The following TRIM21 variants were observed in gnomAD, a reference collection of about 807,000 sequenced individuals.
TRIM21 encodes E3 ubiquitin-protein ligase TRIM21.
TRIM21 carries 35 observed loss-of-function variants against 36.1 expected under a neutral mutation model. That is an observed-to-expected ratio of 0.97 (90% CI 0.74 to 1.28). The LOEUF is 1.28. TRIM21 is among the 50% of genes most tolerant of loss of function. The pLI is 0.00. For missense variants in TRIM21, 635 were observed against 570.7 expected, an observed-to-expected ratio of 1.11 and a Z score of -1.15; for synonymous variants, 256 against 211.5, an observed-to-expected ratio of 1.21 and a Z score of -1.83.
chr11:4,393,530 C>A (rs1404507505), intron 1 of TRIM21, 103 bp downstream of exon 1: 4 of 152,644 alleles, frequency 2.6e-5, no homozygotes, highest in African/African-American at 7.2e-5. Flanking sequence ...GCAAATGGGA[C>A]CGGCTCAAGG....
intron 5 of TRIM21, 25 bp downstream of exon 5, chr11:4,386,943 T>C (rs765134388): frequency 1.9e-6 from 3 of 1,577,964 alleles, no homozygotes; most frequent in African/African-American, 1.3e-5. Context: ...TGGCCCCTCT[T>C]CTAACAAAGA....
Position 4,390,057 on chromosome 11 carries a change from C to T in TRIM21, c.353G>A (p.Arg118Gln), listed in dbSNP as rs183163094. The change falls in exon 2 of 7, where the codon CGG becomes CAG. Residue 118 changes from arginine (R) to glutamine (Q), a missense_variant. Transcript: ENST00000254436. ...KALCWVCAQS[R>Q]KHRDHAMVPL... ...GACCATGGCGTGGTCACGGTGTTTCCGAGACTGGGCACATACCCAGCAAAG... is the reference window on the plus strand; with the variant it reads ...GACCATGGCGTGGTCACGGTGTTTCTGAGACTGGGCACATACCCAGCAAAG... 8.4e-4 allele frequency: 1,350 copies of T among 1,613,918 alleles called. 2 individuals are homozygous for T. The highest frequency in any genetic ancestry group is 1.1e-3 in the Non-Finnish European group (1,299 of 1,179,890).
chr11:4,388,556 G>A (rs941270333), intron 3 of TRIM21, 26 bp from the exon 4 acceptor site: 2 of 1,596,696 alleles, frequency 1.3e-6, no homozygotes, highest in Admixed American at 3.4e-5. Context: ...AAAGGGAGAG[G>A]TGGTTTTTAT....
At chr11:4,386,407 G>A (rs2094956387) in intron 5 of TRIM21, 150 bp from the exon 6 acceptor site, 2 of 718,362 alleles carry the variant, frequency 2.8e-6, no homozygotes, top group South Asian at 3.1e-5. Context: ...GGGTGTGAGA[G>A]GCAAACAATG....
chr11:4,387,096 C>T (rs2094957055), intron 4 of TRIM21, 106 bp from the exon 5 acceptor site: 5 of 1,118,604 alleles, frequency 4.5e-6, no homozygotes, highest in Admixed American at 2.2e-5. Context: ...GGCACTGTTC[C>T]TCTCCTTCCT....
intron 1 of TRIM21, among the ~76,000 whole-genome samples, chr11:4,391,238 A>G (rs979684700): frequency 1.2e-4 from 17 of 144,416 alleles, no homozygotes; most frequent in African/African-American, 3.9e-4. Context: ...GAAAAAAAAT[A>G]ATAATCTGAC....
At chr11:4,389,200 AT>A (rs1412857118) in intron 3 of TRIM21, among the ~76,000 whole-genome samples, 4 of 152,098 alleles carry the variant, frequency 2.6e-5, no homozygotes, top group African/African-American at 9.7e-5. Flanking sequence ...TCTTCATTAT[AT>A]TTTGGACCAG....
chr11:4,389,615 C>T, intron 3 of TRIM21, 39 bp downstream of exon 3: 1 of 1,571,792 alleles, frequency 6.4e-7, no homozygotes, highest in Non-Finnish European at 8.8e-7. Flanking sequence ...CCCTGCCCAG[C>T]CTTCCAGCCT....
intron 1 of TRIM21, among the ~76,000 whole-genome samples, chr11:4,393,293 C>A (rs963644781): frequency 4.6e-5 from 7 of 152,310 alleles, no homozygotes; most frequent in Admixed American, 1.3e-4. Context: ...ACCCAGCCGT[C>A]ATCCTAGGTC....
Position 4,387,831 on chromosome 11 carries a change from CATAAATAAATAA to C in TRIM21, c.735+457_735+468del, listed in dbSNP as rs10553949. Among the ~76,000 whole-genome samples, 13 of 150,988 alleles carry C rather than the reference CATAAATAAATAA, an allele frequency of 8.6e-5. No individual in the cohort carries two copies. The South Asian group carries it at 1.3e-3, about 15-fold the overall frequency. ...GGGCAACAAGAGTGAAACTCTGTCT[CATAAATAAATAA>C]ATAAATAAATAAATAGAAAGCCTGG... On this transcript the variant is annotated intron_variant, in intron 4 of 6. Coordinates refer to ENST00000254436, the MANE Select transcript of TRIM21 (RefSeq NM_003141.4).
intron 4 of TRIM21, among the ~76,000 whole-genome samples, chr11:4,387,265 T>TTCC (rs1554891703): frequency 6.7e-6 from 1 of 149,816 alleles, no homozygotes; most frequent in Non-Finnish European, 1.5e-5. Context: ...TTTTTTTTTT[T>TTCC]CCCCAGGGGA....
At chr11:4,385,955 G>T in intron 6 of TRIM21, 102 bp from the exon 7 acceptor site, 1 of 1,247,416 alleles carries the variant, frequency 8.0e-7, no homozygotes, top group Non-Finnish European at 1.1e-6. Flanking sequence ...AAGCATGAGG[G>T]GTGAACCTCC....
In TRIM21 at chr11:4,386,481, G is replaced by C. The variant is rs146276676; in HGVS notation, c.759-224C>G. On this transcript the variant is annotated intron_variant, in intron 5 of 6. Coordinates refer to ENST00000254436, the MANE Select transcript of TRIM21 (RefSeq NM_003141.4). Reference sequence around the variant, plus strand: ...AGGCTCTGCAGCATGTGGACAGTCTGTCTCTCCTGTCTAAGCCTGAGGTCA... The same window carrying C: ...AGGCTCTGCAGCATGTGGACAGTCTCTCTCTCCTGTCTAAGCCTGAGGTCA... Among the ~76,000 whole-genome samples, 460 of 152,304 alleles carry C rather than the reference G, an allele frequency of 3.0e-3. 4 individuals are homozygous for C. The highest frequency in any genetic ancestry group is 0.01 in the African/African-American group (432 of 41,566).
chr11:4,387,967 A>G (rs2094958346), intron 4 of TRIM21, among the ~76,000 whole-genome samples: 1 of 152,214 alleles, frequency 6.6e-6, no homozygotes, highest in Non-Finnish European at 1.5e-5. Context: ...TCTGAGTGAC[A>G]CTGAACAGGT....
Position 4,388,675 on chromosome 11 carries a change from G to C in TRIM21, c.505-145C>G, listed in dbSNP as rs550751557. On this transcript the variant is annotated intron_variant, in intron 3 of 6. Coordinates refer to ENST00000254436, the MANE Select transcript of TRIM21 (RefSeq NM_003141.4). Reference sequence around the variant, plus strand: ...CACACACACATGCACACGCACACGCGCGCACACACACACACACACAATTTT... The same window carrying C: ...CACACACACATGCACACGCACACGCCCGCACACACACACACACACAATTTT... The C allele has an allele frequency of 1.1e-5, 8 of 751,518 alleles. No individual in the cohort carries two copies. The South Asian group carries it at 1.3e-4, about 13-fold the overall frequency. 46.6% of individuals were successfully genotyped at this position (751,518 alleles called of 1,614,324 possible). A position where few individuals can be genotyped will look rare whatever the true frequency, so the allele number is the denominator to read the frequency against.
Position 4,388,367 on chromosome 11 carries a change from T to A in TRIM21, c.668A>T (p.Gln223Leu). ...CTCTGAGATGAGCTCCTGTAGGGCC[T>A]GGCTCTGCTGGGCCAGCTTGGCCTC... is the stretch of plus-strand genomic sequence containing the variant. The part of the protein sequence containing the change: ...EKEAKLAQQS[Q>L]ALQELISELD... Residue 223 changes from glutamine (Q) to leucine (L), a missense_variant, in exon 4 of 7, where the codon CAG (glutamine) becomes CTG (leucine). Coordinates refer to ENST00000254436, the MANE Select transcript of TRIM21 (RefSeq NM_003141.4). The A allele has an allele frequency of 6.2e-7, 1 of 1,614,002 alleles. No individual in the cohort carries two copies.
chr11:4,389,825 C>T lies in TRIM21; in HGVS notation c.409-76G>A, dbSNP rs2094960623. Reference sequence around the variant, plus strand: ...TGGGGTAATCCTTGCAGCATTTTCTCATGCATATCTCCTACGCCTGGGGAA... The same window carrying T: ...TGGGGTAATCCTTGCAGCATTTTCTTATGCATATCTCCTACGCCTGGGGAA... On this transcript the variant is annotated intron_variant, in intron 2 of 6. Transcript: ENST00000254436. 1.3e-5 allele frequency: 20 copies of T among 1,505,554 alleles called. No homozygotes were observed. In the Admixed American group the frequency reaches 3.2e-4, roughly 24 times the overall value. The allele number at this position is 1,505,554 out of a possible 1,614,324, so 93.3% of individuals were successfully genotyped here. A position where few individuals can be genotyped will look rare whatever the true frequency, so the allele number is the denominator to read the frequency against.
intron 4 of TRIM21, among the ~76,000 whole-genome samples, chr11:4,387,308 C>G (rs536758393): frequency 4.0e-5 from 6 of 151,868 alleles, no homozygotes; most frequent in African/African-American, 1.5e-4. Flanking sequence ...GCACATAGCC[C>G]AGCTTGGCTT....
In TRIM21 at chr11:4,385,002, G is replaced by GAA; in HGVS notation, c.*281_*282dup. On this transcript the variant is annotated 3_prime_UTR_variant, in exon 7 of 7. Transcript: ENST00000254436. Reference sequence around the variant, plus strand: ...GACGACATCCTAGAGATGGAGAGGAGAAAAAAAAAACTTAAGTCCCATAAA... The same window carrying GAA: ...GACGACATCCTAGAGATGGAGAGGAGAAAAAAAAAAAACTTAAGTCCCATAAA... 2.5e-4 allele frequency: 89 copies of GAA among 352,956 alleles called. No homozygotes were observed. The highest frequency in any genetic ancestry group is 3.6e-4 in the Non-Finnish European group (71 of 196,682). 21.9% of individuals were successfully genotyped at this position (352,956 alleles called of 1,614,324 possible). A position where few individuals can be genotyped will look rare whatever the true frequency, so the allele number is the denominator to read the frequency against.
Sources: gnomAD v4.1 joint callset for allele counts (sites outside exome capture counted in the v4.1 genomes callset) on GRCh38, gnomAD v4.1.1 for gene constraint, MANE v1.5 for transcripts, NCBI Gene and HGNC (gene_info 2026-07-23, HGNC 2026-07-21) for gene names.